The following PUS10 variants were observed in gnomAD, a reference collection of about 807,000 sequenced individuals.
PUS10 encodes tRNA pseudouridine synthase Pus10.
A neutral mutation model predicts 75.0 loss-of-function variants in PUS10; 59 were observed. That is an observed-to-expected ratio of 0.79 (90% confidence interval 0.64 to 0.98). The LOEUF (loss-of-function observed/expected upper bound fraction) is 0.98. Ranked by LOEUF, PUS10 falls within the 50% of genes least tolerant of loss-of-function variation. The probability of loss-of-function intolerance (pLI) is 0.00; values close to 1 mark genes in which losing one functional copy is unlikely to be tolerated. For synonymous variants in PUS10, 219 were observed against 211.6 expected (o/e 1.03, Z -0.30); for missense variants, 650 against 614.4 (o/e 1.06, Z -0.61).
intron 4 of PUS10, among the ~76,000 whole-genome samples, chr2:61,001,113 T>A (rs1441113797): frequency 3.3e-5 from 5 of 152,222 alleles, no homozygotes; most frequent in Non-Finnish European, 7.3e-5. Flanking sequence ...ATATCATGCA[T>A]CAGCAGTATA....
intron 4 of PUS10, among the ~76,000 whole-genome samples, chr2:60,974,467 G>A (rs1271834695): frequency 6.6e-6 from 1 of 152,072 alleles, no homozygotes; most frequent in East Asian, 1.9e-4. Flanking sequence ...CCTGACAAAT[G>A]GTGGGGCTAA....
At chr2:61,005,291 C>A (rs1352060336) in intron 4 of PUS10, among the ~76,000 whole-genome samples, 1 of 152,058 alleles carries the variant, frequency 6.6e-6, no homozygotes, top group African/African-American at 2.4e-5. Flanking sequence ...ACAAACAAAT[C>A]TTCTGTTTCT....
At chr2:60,956,828 A>G (rs1675689037) in intron 11 of PUS10, among the ~76,000 whole-genome samples, 1 of 151,826 alleles carries the variant, frequency 6.6e-6, no homozygotes, top group South Asian at 2.1e-4. Context: ...CAAAAAAATT[A>G]GCTGGGTGTG....
intron 15 of PUS10, among the ~76,000 whole-genome samples, chr2:60,952,543 A>G (rs1029907852): frequency 2.0e-5 from 3 of 152,150 alleles, no homozygotes; most frequent in African/African-American, 7.2e-5. Flanking sequence ...GTTCTATTAG[A>G]TAAGTGCTAT....
intron 17 of PUS10, 133 bp downstream of exon 17, chr2:60,944,876 A>G: frequency 3.1e-6 from 2 of 651,722 alleles, no homozygotes; most frequent in Non-Finnish European, 5.5e-6. Flanking sequence ...CCTTCAATAC[A>G]ATGTTACTGT....
At chr2:60,959,314 G>A (rs1675869734) in intron 11 of PUS10, among the ~76,000 whole-genome samples, 1 of 152,220 alleles carries the variant, frequency 6.6e-6, no homozygotes, top group South Asian at 2.1e-4. Context: ...GTGTACCAAG[G>A]TCAGGGCTTA....
In PUS10 at chr2:61,008,943, G is replaced by A. The variant is rs1342724644; in HGVS notation, c.199C>T (p.Pro67Ser). The A allele has an allele frequency of 6.2e-7, 1 of 1,613,188 alleles. No homozygotes were observed. Among genetic ancestry groups the A allele is most frequent in the Non-Finnish European group, 8.5e-7 (1 of 1,179,324 alleles). ...TCTTGCAGTCGAATTTTCTTGGGAGGTGGGTTCATAACTTCCAAAATTAAT... is the reference window on the plus strand; with the variant it reads ...TCTTGCAGTCGAATTTTCTTGGGAGATGGGTTCATAACTTCCAAAATTAAT... Reference protein sequence around the residue: ...DELILEVMNPPPKKIRLQELE... With the variant: ...DELILEVMNPSPKKIRLQELE... Residue 67 changes from proline (P) to serine (S), a missense_variant, in exon 3 of 18, where the codon CCT (proline) becomes TCT (serine). By Grantham distance (74) the Pro-to-Ser change is moderately conservative. Coordinates refer to ENST00000316752, the MANE Select transcript of PUS10 (RefSeq NM_144709.4).
At chr2:60,968,010 A>C (rs1375669318) in intron 5 of PUS10, among the ~76,000 whole-genome samples, 1 of 152,190 alleles carries the variant, frequency 6.6e-6, no homozygotes, top group African/African-American at 2.4e-5. Flanking sequence ...CCACATTTTA[A>C]TGCTTGCTTT....
At chr2:60,967,446 T>A in intron 6 of PUS10, 56 bp downstream of exon 6, 1 of 1,197,466 alleles carries the variant, frequency 8.4e-7, no homozygotes, top group African/African-American at 1.6e-5. Context: ...TGCCATATAA[T>A]TAAGTAAAAC....
At chr2:61,015,123 C>T (rs1679882639) in intron 1 of PUS10, among the ~76,000 whole-genome samples, 1 of 152,106 alleles carries the variant, frequency 6.6e-6, no homozygotes, top group Non-Finnish European at 1.5e-5. Flanking sequence ...TTGAGAAACG[C>T]ATAGTTAGGG....
intron 8 of PUS10, 99 bp from the exon 9 acceptor site, chr2:60,962,989 C>T: frequency 1.4e-6 from 2 of 1,424,488 alleles, no homozygotes; most frequent in Admixed American, 3.5e-5. Context: ...TGTATCATTT[C>T]ATTATATCAT....
chr2:60,987,743 C>T (rs980268465), intron 4 of PUS10, among the ~76,000 whole-genome samples: 1 of 152,012 alleles, frequency 6.6e-6, no homozygotes, highest in African/African-American at 2.4e-5. Context: ...GCCAACATCA[C>T]GAAACCCCAT....
Position 61,018,088 on chromosome 2 carries a change from G to A in PUS10, c.-96C>T, listed in dbSNP as rs1680134306. ...ACGTTTTTTTCGGGAGCTCCTGGGC[G>A]TCTCTCTGGGTCTCTGTGCTTGAAA... is the stretch of plus-strand genomic sequence containing the variant. On this transcript the variant is annotated 5_prime_UTR_variant, in exon 1 of 18. In the 5' UTR this introduces an upstream ATG that the reference lacks. Transcript: ENST00000316752. The A allele has an allele frequency of 3.9e-6, 6 of 1,521,636 alleles. No individual in the cohort carries two copies. The South Asian group carries it at 6.2e-5, about 16-fold the overall frequency. 94.3% of individuals were successfully genotyped at this position (1,521,636 alleles called of 1,614,324 possible).
At chr2:60,996,563 T>C (rs1243328126) in intron 4 of PUS10, among the ~76,000 whole-genome samples, 2 of 149,852 alleles carry the variant, frequency 1.3e-5, no homozygotes, top group Non-Finnish European at 3.0e-5. Context: ...ATAAAACATA[T>C]GAAAATACAC....
At position 61,008,987 on chromosome 2, in the gene PUS10, A is replaced by G; in HGVS notation, c.155T>C (p.Leu52Pro). ...KELLNELQKF[L>P]ETEKDELILE... ...AATTAATTCATCTTTTTCAGTTTCC[A>G]GAAATTTCTGTAGTTCATTGAGCAA... The change falls in exon 3 of 18, where the codon CTG becomes CCG. Residue 52 changes from leucine (L) to proline (P), a missense_variant. Leu to Pro is a moderately conservative substitution (Grantham distance 98). Coordinates refer to ENST00000316752, the MANE Select transcript of PUS10 (RefSeq NM_144709.4). 6.2e-7 allele frequency: 1 copy of G among 1,612,548 alleles called. No homozygotes were observed.
chr2:60,981,499 C>T (rs1334057055), intron 4 of PUS10, among the ~76,000 whole-genome samples: 1 of 152,114 alleles, frequency 6.6e-6, no homozygotes, highest in Non-Finnish European at 1.5e-5. Flanking sequence ...CCAGGCTAGT[C>T]TTGAACTCCT....
At chr2:61,000,024 G>C (rs777650279) in intron 4 of PUS10, among the ~76,000 whole-genome samples, 7 of 151,924 alleles carry the variant, frequency 4.6e-5, no homozygotes, top group Non-Finnish European at 7.4e-5. Flanking sequence ...TGTGGATTTT[G>C]GTATCTGTGA....
intron 3 of PUS10, 40 bp downstream of exon 3, chr2:61,008,721 T>A: frequency 7.1e-7 from 1 of 1,413,290 alleles, no homozygotes; most frequent in Non-Finnish European, 9.6e-7. Context: ...ACTGAAAATC[T>A]CTACATAATT....
intron 1 of PUS10, among the ~76,000 whole-genome samples, chr2:61,014,167 A>C (rs1679817879): frequency 2.6e-5 from 4 of 152,152 alleles, no homozygotes; most frequent in African/African-American, 9.7e-5. Context: ...TGACAACAGG[A>C]GTTTGAGACC....
Sources: allele counts gnomAD v4.1 joint callset (sites outside exome capture counted in the v4.1 genomes callset), GRCh38; gene constraint gnomAD v4.1.1; transcripts MANE v1.5; gene names NCBI Gene and HGNC (gene_info 2026-07-23, HGNC 2026-07-21).